The following MYH11 variants were observed in gnomAD, a reference collection of about 807,000 sequenced individuals.
The protein encoded by MYH11 is myosin-11.
In MYH11, 80 loss-of-function variants were observed where a neutral mutation model predicts 246.6. That is an observed-to-expected ratio of 0.32 (90% CI 0.27 to 0.39). The LOEUF is 0.39. Among genes scored for constraint, MYH11 ranks in the 10% least tolerant of loss-of-function variants. MYH11 has a pLI of 1.00. For missense variants in MYH11, 2,158 were observed against 2,546.8 expected (o/e 0.85, Z 3.29); for synonymous variants, 1,071 against 1,015.5 (o/e 1.05, Z -1.04).
At chr16:15,724,107 G>A in intron 31 of MYH11, 54 bp downstream of exon 31, 1 of 1,609,356 alleles carries the variant, frequency 6.2e-7, no homozygotes, top group East Asian at 2.2e-5. Flanking sequence ...CTGCAGAGCT[G>A]ATTCCCCAAC....
chr16:15,758,739 G>A (rs1299636745), intron 12 of MYH11, among the ~76,000 whole-genome samples: 16 of 151,632 alleles, frequency 1.1e-4, no homozygotes, highest in Non-Finnish European at 2.1e-4. Flanking sequence ...GGCGGAGGTT[G>A]CGGTGAGCCA....
At chr16:15,808,501 G>A (rs563753844) in intron 3 of MYH11, among the ~76,000 whole-genome samples, 27 of 152,310 alleles carry the variant, frequency 1.8e-4, no homozygotes, top group Non-Finnish European at 3.2e-4. Context: ...TCTCCCGGCA[G>A]AGTTGGTTAG....
At chr16:15,837,580 G>A (rs2043932451) in intron 2 of MYH11, among the ~76,000 whole-genome samples, 1 of 139,398 alleles carries the variant, frequency 7.2e-6, no homozygotes, top group Non-Finnish European at 1.5e-5. Flanking sequence ...CTGTCACCCA[G>A]GCTGGAGTGC....
intron 10 of MYH11, among the ~76,000 whole-genome samples, chr16:15,761,908 C>A (rs951531525): frequency 1.3e-5 from 2 of 152,202 alleles, no homozygotes; most frequent in Non-Finnish European, 2.9e-5. Flanking sequence ...TTGCTTCTAA[C>A]CTCCAAGCTC....
At chr16:15,724,028 A>T in intron 31 of MYH11, 133 bp downstream of exon 31, 2 of 1,477,714 alleles carry the variant, frequency 1.4e-6, no homozygotes, top group Admixed American at 3.5e-5. Flanking sequence ...ACAAGATAAG[A>T]CAGCCTCCCA....
chr16:15,753,410 G>A lies in MYH11; in HGVS notation c.1848C>T (p.Ala616=), dbSNP rs112834652. ...LLNASSDKFV[A]DLWKDVDRIV... ...AGGCCTTACCGTCCTTCCACAGGTCGGCCACAAACTTGTCGGAGGAGGCAT... is the reference window on the plus strand; with the variant it reads ...AGGCCTTACCGTCCTTCCACAGGTCAGCCACAAACTTGTCGGAGGAGGCAT... Residue 616 remains alanine (A), a synonymous_variant, in exon 15 of 41, where the codon GCC becomes GCT. Coordinates refer to ENST00000300036, the MANE Select transcript of MYH11 (RefSeq NM_002474.3). 8.2e-4 allele frequency: 1,322 copies of A among 1,614,016 alleles called. 13 individuals are homozygous for A. Among genetic ancestry groups the A allele is most frequent in the Non-Finnish European group, 7.3e-5 (86 of 1,179,962 alleles).
chr16:15,819,745 G>A (rs1432422730), intron 3 of MYH11, among the ~76,000 whole-genome samples: 8 of 152,204 alleles, frequency 5.3e-5, no homozygotes, highest in East Asian at 3.9e-4. Context: ...GAATCATCCC[G>A]AACCATCTCT....
chr16:15,725,115 G>A (rs1247771799), intron 28 of MYH11, 123 bp from the exon 29 acceptor site: 29 of 746,394 alleles, frequency 3.9e-5, no homozygotes, highest in East Asian at 5.4e-5. Context: ...GAAAATACCC[G>A]TGAGGTATGG....
At chr16:15,775,836 T>A in intron 8 of MYH11, 1 of 585,312 alleles carries the variant, frequency 1.7e-6, no homozygotes, top group Non-Finnish European at 3.1e-6. Flanking sequence ...ATTAATGATC[T>A]AATGTCTAAT....
At chr16:15,767,626 C>T (rs928050627) in intron 9 of MYH11, among the ~76,000 whole-genome samples, 5 of 152,138 alleles carry the variant, frequency 3.3e-5, no homozygotes, top group South Asian at 2.1e-4. Context: ...CCAGCCTGAA[C>T]GTGGCCTATT....
intron 24 of MYH11, 43 bp downstream of exon 24, chr16:15,738,522 T>G (rs754711473): frequency 9.6e-6 from 15 of 1,558,374 alleles, no homozygotes; most frequent in Non-Finnish European, 1.3e-5. Context: ...CTAAAAAAAA[T>G]AATAAAATAA....
At chr16:15,727,960 G>C (rs933861527) in intron 27 of MYH11, among the ~76,000 whole-genome samples, 9 of 152,130 alleles carry the variant, frequency 5.9e-5, no homozygotes, top group African/African-American at 1.9e-4. Flanking sequence ...AACAAAGTGA[G>C]ACCCTGTTTC....
At chr16:15,850,174 C>T (rs1319170931) in intron 1 of MYH11, among the ~76,000 whole-genome samples, 1 of 152,108 alleles carries the variant, frequency 6.6e-6, no homozygotes, top group Admixed American at 6.5e-5. Context: ...AACCTGAGGT[C>T]AGTAGTTCAA....
At chr16:15,733,897 T>C (rs1344138388) in intron 26 of MYH11, among the ~76,000 whole-genome samples, 3 of 152,226 alleles carry the variant, frequency 2.0e-5, no homozygotes, top group African/African-American at 7.2e-5. Context: ...CAGAACGCTG[T>C]GCTCTATGTG....
intron 27 of MYH11, among the ~76,000 whole-genome samples, chr16:15,728,626 G>A (rs902675463): frequency 1.3e-5 from 2 of 152,112 alleles, no homozygotes; most frequent in Non-Finnish European, 2.9e-5. Flanking sequence ...GGGGCCAGGC[G>A]CGGTGGCTCA....
Position 15,735,575 on chromosome 16 carries a change from A to C in MYH11, c.3297T>G (p.Leu1099=). Residue 1099 remains leucine (L), a synonymous_variant, in exon 26 of 41, where the codon CTT becomes CTG. Coordinates refer to ENST00000300036, the MANE Select transcript of MYH11 (RefSeq NM_002474.3). The part of the protein sequence containing the change: ...EEELQAALAR[L]DDEIAQKNNA... ...TGTTCTTCTGAGCGATTTCATCGTC[A>C]AGCCTTCCAGGGAGAGACCCAGCAG... is the stretch of plus-strand genomic sequence containing the variant. The C allele has an allele frequency of 6.2e-7, 1 of 1,614,160 alleles. No homozygotes were observed. Among genetic ancestry groups the C allele is most frequent in the South Asian group, 1.1e-5 (1 of 91,082 alleles).
Position 15,703,880 on chromosome 16 carries a change from T to C in MYH11, c.*111A>G. The C allele has an allele frequency of 2.9e-6, 4 of 1,401,946 alleles. No individual in the cohort carries two copies. In the South Asian group the frequency reaches 4.6e-5, roughly 16 times the overall value. The allele number at this position is 1,401,946 out of a possible 1,614,324, so 86.8% of individuals were successfully genotyped here. A position where few individuals can be genotyped will look rare whatever the true frequency, so the allele number is the denominator to read the frequency against. On this transcript the variant is annotated 3_prime_UTR_variant, in exon 41 of 41. Coordinates refer to ENST00000300036, the MANE Select transcript of MYH11 (RefSeq NM_002474.3). Reference sequence around the variant, plus strand: ...ATTTGAGAATGGATTTAGACAATGCTAAGTACAGTCTGCTGGGTTTTGCTT... The same window carrying C: ...ATTTGAGAATGGATTTAGACAATGCCAAGTACAGTCTGCTGGGTTTTGCTT...
chr16:15,848,524 G>T (rs1485279428), intron 1 of MYH11, among the ~76,000 whole-genome samples: 1 of 152,000 alleles, frequency 6.6e-6, no homozygotes, highest in Non-Finnish European at 1.5e-5. Flanking sequence ...GTGAGCCACC[G>T]CAGCTGGCCA....
intron 10 of MYH11, 55 bp downstream of exon 10, chr16:15,763,741 T>TCGGGCCCCCCCCCCCCCCCCCC: frequency 3.1e-6 from 2 of 646,860 alleles, no homozygotes; most frequent in Non-Finnish European, 5.8e-6. Context: ...AAATGTCACC[T>TCGGGCCCCCCCCCCCCCCCCCC]CCCCCACCCC....
Sources: gnomAD v4.1 joint callset for allele counts (sites outside exome capture counted in the v4.1 genomes callset) on GRCh38, gnomAD v4.1.1 for gene constraint, MANE v1.5 for transcripts, NCBI Gene and HGNC (gene_info 2026-07-23, HGNC 2026-07-21) for gene names.